PLXNA2: variants seen among roughly 807,000 people sequenced by gnomAD.
The protein encoded by PLXNA2 is plexin-A2.
A neutral mutation model predicts 193.5 loss-of-function variants in PLXNA2; 91 were observed. The observed-to-expected ratio is 0.47, with a 90% CI of 0.40 to 0.56. PLXNA2 has a LOEUF of 0.56. Ranked by LOEUF, PLXNA2 falls within the 20% of genes least tolerant of loss-of-function variation. The pLI is 0.00. For missense variants in PLXNA2, 1,995 were observed against 2,503.2 expected, an observed-to-expected ratio of 0.80 and a Z score of 4.33; for synonymous variants, 997 against 1,027.3, an observed-to-expected ratio of 0.97 and a Z score of 0.56.
At chr1:208,171,609 G>A (rs1348074578) in intron 3 of PLXNA2, among the ~76,000 whole-genome samples, 1 of 152,174 alleles carries the variant, frequency 6.6e-6, no homozygotes, top group Admixed American at 6.5e-5. Flanking sequence ...AGTGCTTTGG[G>A]AGGCCAAGGC....
At position 208,217,809 on chromosome 1, in the gene PLXNA2, G is replaced by C. The variant is rs753314002; in HGVS notation, c.114C>G (p.Phe38Leu). 6 of 1,614,188 alleles carry C rather than the reference G, an allele frequency of 3.7e-6. No homozygotes were observed. The South Asian group carries it at 6.6e-5, about 18-fold the overall frequency. ...LAPPAAGMPQ[F>L]STFHSENRDW... ...CACGATTCTCAGAGTGGAAGGTGCT[G>C]AACTGAGGCATGCCGGCTGCTGGGG... is the stretch of plus-strand genomic sequence containing the variant. The change falls in exon 2 of 32, where the codon TTC becomes TTG. Residue 38 changes from phenylalanine (F) to leucine (L), a missense_variant. Transcript: ENST00000367033. The surrounding 1 kb of genome is among the most constrained non-coding windows in gnomAD (Gnocchi z 4.7).
Position 208,044,814 on chromosome 1 carries a change from T to C in PLXNA2, c.3640-72A>G. The C allele has an allele frequency of 2.4e-6, 3 of 1,253,978 alleles. No homozygotes were observed. Among genetic ancestry groups the C allele is most frequent in the Non-Finnish European group, 3.4e-6 (3 of 878,136 alleles). The allele number at this position is 1,253,978 out of a possible 1,614,324, so 77.7% of individuals were successfully genotyped here. The stretch of plus-strand genomic sequence containing the variant: ...GAGCCCGGGCATGCCAGCAGATCCT[T>C]ACAGTGCGAGGAAGGACATGACAGA... On this transcript the variant is annotated intron_variant, in intron 19 of 31. Coordinates refer to ENST00000367033, the MANE Select transcript of PLXNA2 (RefSeq NM_025179.4). The surrounding 1 kb of genome is among the most constrained non-coding windows in gnomAD (Gnocchi z 4.9).
Position 208,217,283 on chromosome 1 carries a change from C to G in PLXNA2, c.640G>C (p.Asp214His). The change falls in exon 2 of 32, where the codon GAC (aspartate) becomes CAC (histidine). Residue 214 changes from aspartate (D) to histidine (H), a missense_variant. Transcript: ENST00000367033. The surrounding 1 kb of genome is among the most constrained non-coding windows in gnomAD (Gnocchi z 4.7). Reference sequence around the variant, plus strand: ...ACAAAATCGCTGTGTAGCTCATAGTCGAGCATGGCTGAGGACTCAGGGTCT... The same window carrying G: ...ACAAAATCGCTGTGTAGCTCATAGTGGAGCATGGCTGAGGACTCAGGGTCT... ...PRDPESSAML[D>H]YELHSDFVSS... 1.9e-6 allele frequency: 3 copies of G among 1,614,060 alleles called. No individual in the cohort carries two copies. The highest frequency in any genetic ancestry group is 2.5e-6 in the Non-Finnish European group (3 of 1,180,008).
chr1:208,139,966 G>A (rs999096601), intron 4 of PLXNA2, among the ~76,000 whole-genome samples: 1 of 152,138 alleles, frequency 6.6e-6, no homozygotes, highest in African/African-American at 2.4e-5. Flanking sequence ...ACTTTGCCTC[G>A]TAATCACAGC....
chr1:208,051,856 G>A (rs1665273597), intron 15 of PLXNA2, among the ~76,000 whole-genome samples: 1 of 152,196 alleles, frequency 6.6e-6, no homozygotes, highest in Non-Finnish European at 1.5e-5. Flanking sequence ...GGCAAACTGG[G>A]TTCTCATCCA....
chr1:208,127,889 A>G (rs1668023448), intron 4 of PLXNA2, among the ~76,000 whole-genome samples: 2 of 152,178 alleles, frequency 1.3e-5, no homozygotes, highest in Non-Finnish European at 2.9e-5. Flanking sequence ...GGGAAGATCA[A>G]TAGCTCTGAC....
intron 14 of PLXNA2, 71 bp downstream of exon 14, chr1:208,054,350 C>T: frequency 9.5e-7 from 1 of 1,054,506 alleles, no homozygotes; most frequent in East Asian, 2.4e-5. Context: ...GTGGGGGCTT[C>T]CTGGGAGGAG....
intron 4 of PLXNA2, among the ~76,000 whole-genome samples, chr1:208,118,763 A>T (rs368015158): frequency 1.5e-4 from 21 of 137,048 alleles, no homozygotes; most frequent in Admixed American, 1.1e-3. Context: ...TTTTTTTTTT[A>T]AAAGAGGTGC....
chr1:208,103,322 G>A (rs1209516089), intron 4 of PLXNA2, 75 bp from the exon 5 acceptor site: 15 of 1,155,428 alleles, frequency 1.3e-5, no homozygotes, highest in Non-Finnish European at 1.9e-5. Context: ...ACAGTCCTGT[G>A]TGTACTCACA....
intron 31 of PLXNA2, among the ~76,000 whole-genome samples, chr1:208,027,592 TA>T (rs1010273832): frequency 4.3e-4 from 65 of 152,330 alleles, no homozygotes; most frequent in African/African-American, 1.4e-3. Context: ...CTACTACTAC[TA>T]CTTTCACGTT....
chr1:208,052,002 G>A (rs778023965), intron 15 of PLXNA2, among the ~76,000 whole-genome samples: 11 of 152,284 alleles, frequency 7.2e-5, no homozygotes, highest in East Asian at 1.9e-4. Flanking sequence ...TGCAATCTCC[G>A]TGTTTTTCAA....
intron 1 of PLXNA2, among the ~76,000 whole-genome samples, chr1:208,237,616 C>A (rs957583114): frequency 2.7e-4 from 41 of 152,118 alleles, no homozygotes; most frequent in African/African-American, 9.4e-4. Context: ...CTGGAGACTG[C>A]GAGAGCATTA....
At position 208,217,651 on chromosome 1, in the gene PLXNA2, T is replaced by C; in HGVS notation, c.272A>G (p.Asn91Ser). The change falls in exon 2 of 32, where the codon AAC (asparagine) becomes AGC (serine). Residue 91 changes from asparagine (N) to serine (S), a missense_variant. Coordinates refer to ENST00000367033, the MANE Select transcript of PLXNA2 (RefSeq NM_025179.4). The surrounding 1 kb of genome is among the most constrained non-coding windows in gnomAD (Gnocchi z 4.7). Reference sequence around the variant, plus strand: ...GATGAGGGGCGGGTAACAAGACTTGTTGTCCTCTTCTGGCCCTGTCTTATG... The same window carrying C: ...GATGAGGGGCGGGTAACAAGACTTGCTGTCCTCTTCTGGCCCTGTCTTATG... Reference protein sequence around the residue: ...VAHKTGPEEDNKSCYPPLIVQ... With the variant: ...VAHKTGPEEDSKSCYPPLIVQ... 2 of 1,614,194 alleles carry C rather than the reference T, an allele frequency of 1.2e-6. No homozygotes were observed. Among genetic ancestry groups the C allele is most frequent in the African/African-American group, 1.3e-5 (1 of 75,054 alleles).
intron 1 of PLXNA2, among the ~76,000 whole-genome samples, chr1:208,221,274 C>T (rs1219777241): frequency 1.3e-5 from 2 of 151,922 alleles, no homozygotes; most frequent in Non-Finnish European, 2.9e-5. Flanking sequence ...AATGCTACCT[C>T]GAAGCTTAGT....
Position 208,084,407 on chromosome 1 carries a change from G to A in PLXNA2, c.2271C>T (p.Ser757=). The part of the protein sequence containing the change: ...IHRVPALRFN[S]SSVQCQNSSY... ...AGCTGTTCTGACACTGAACGCTGGA[G>A]CTGTTGAAGCGCAGAGCGGGGACCC... is the stretch of plus-strand genomic sequence containing the variant. The change falls in exon 10 of 32, where the codon AGC becomes AGT. Residue 757 remains serine (S), a synonymous_variant. Coordinates refer to ENST00000367033, the MANE Select transcript of PLXNA2 (RefSeq NM_025179.4). 4 of 1,614,272 alleles carry A rather than the reference G, an allele frequency of 2.5e-6. No homozygotes were observed. The highest frequency in any genetic ancestry group is 3.4e-6 in the Non-Finnish European group (4 of 1,180,046).
At chr1:208,167,171 A>G (rs1669336348) in intron 3 of PLXNA2, among the ~76,000 whole-genome samples, 1 of 152,164 alleles carries the variant, frequency 6.6e-6, no homozygotes, top group Admixed American at 6.5e-5. Flanking sequence ...ATCTTGGACC[A>G]CAGCTCCTAA....
intron 22 of PLXNA2, among the ~76,000 whole-genome samples, chr1:208,041,133 C>T (rs1664853938): frequency 6.6e-6 from 1 of 152,192 alleles, no homozygotes; most frequent in Admixed American, 6.5e-5. Flanking sequence ...AATTTAAATA[C>T]AACAGTTCTT....
At chr1:208,204,267 T>C (rs1429368012) in intron 3 of PLXNA2, among the ~76,000 whole-genome samples, 1 of 152,066 alleles carries the variant, frequency 6.6e-6, no homozygotes, top group Non-Finnish European at 1.5e-5. Context: ...GAAGCAGTGG[T>C]TCCCTGGGCA....
At chr1:208,079,719 T>C (rs1666272792) in intron 11 of PLXNA2, among the ~76,000 whole-genome samples, 1 of 152,164 alleles carries the variant, frequency 6.6e-6, no homozygotes, top group Non-Finnish European at 1.5e-5. Flanking sequence ...CACTACTTCC[T>C]AGCAATGTGA....
Sources: gnomAD v4.1 joint callset for allele counts (sites outside exome capture counted in the v4.1 genomes callset) on GRCh38, gnomAD v4.1.1 for gene constraint, Gnocchi (gnomAD v3.1) non-coding constraint, MANE v1.5 for transcripts, NCBI Gene and HGNC (gene_info 2026-07-23, HGNC 2026-07-21) for gene names.